Variants in CCSER1 observed in about 807,000 individuals in gnomAD.
CCSER1 encodes serine-rich coiled-coil domain-containing protein 1.
In CCSER1, 41 loss-of-function variants were observed where a neutral mutation model predicts 82.0. That is an observed-to-expected ratio of 0.50 (90% confidence interval 0.39 to 0.65). The LOEUF is 0.65. Ranked by LOEUF, CCSER1 falls within the 30% of genes least tolerant of loss-of-function variation. The probability of loss-of-function intolerance (pLI) is 0.00; values close to 1 mark genes in which losing one functional copy is unlikely to be tolerated. For missense variants in CCSER1, 1,119 were observed against 1,064.2 expected, an observed-to-expected ratio of 1.05 and a Z score of -0.72; for synonymous variants, 414 against 383.9, an observed-to-expected ratio of 1.08 and a Z score of -0.92.
At chr4:90,276,230 CTTTCTTTCTTTCTTTCTTTCT>C (rs1727593898) in intron 1 of CCSER1, among the ~76,000 whole-genome samples, 1 of 106,252 alleles carries the variant, frequency 9.4e-6, no homozygotes, top group Admixed American at 1.0e-4. Flanking sequence ...TTCTTTCTTT[CTTTCTTTCTTTCTTTCTTTCT>C]TTCCTTCCTT....
At chr4:90,242,260 T>G (rs1176197059) in intron 1 of CCSER1, among the ~76,000 whole-genome samples, 6 of 152,184 alleles carry the variant, frequency 3.9e-5, no homozygotes, top group African/African-American at 1.4e-4. Context: ...TGAGCCGAGA[T>G]TGTGCCAGTG....
chr4:91,357,574 C>T (rs778882412), intron 10 of CCSER1, among the ~76,000 whole-genome samples: 40 of 151,942 alleles, frequency 2.6e-4, no homozygotes, highest in Non-Finnish European at 4.9e-4. Context: ...AGGTAAAAAT[C>T]TACATTATTA....
At chr4:90,378,904 A>G (rs1171935588) in intron 3 of CCSER1, among the ~76,000 whole-genome samples, 1 of 152,176 alleles carries the variant, frequency 6.6e-6, no homozygotes, top group Non-Finnish European at 1.5e-5. Context: ...AATATATAGT[A>G]ACTCAGTTCT....
chr4:90,919,089 T>TAAAAAAAA (rs71596538), intron 8 of CCSER1, among the ~76,000 whole-genome samples: 2 of 87,186 alleles, frequency 2.3e-5, no homozygotes, highest in Admixed American at 1.4e-4. Flanking sequence ...GTTTCCACAG[T>TAAAAAAAA]AAAAAAAAAA....
chr4:90,574,714 A>G (rs188298093), intron 5 of CCSER1, among the ~76,000 whole-genome samples: 1 of 151,800 alleles, frequency 6.6e-6, no homozygotes, highest in South Asian at 2.1e-4. Flanking sequence ...TCTTCAAATT[A>G]TAAATAATAA....
intron 7 of CCSER1, among the ~76,000 whole-genome samples, chr4:90,797,692 T>C (rs1262972683): frequency 6.6e-6 from 1 of 152,220 alleles, no homozygotes; most frequent in Non-Finnish European, 1.5e-5. Context: ...CCTCAGCATT[T>C]GCTTGTCTGA....
chr4:90,484,611 G>T (rs937351645), intron 5 of CCSER1, among the ~76,000 whole-genome samples: 1 of 152,180 alleles, frequency 6.6e-6, no homozygotes. Flanking sequence ...TCAGCTGCAG[G>T]TCTGTTGGAG....
intron 10 of CCSER1, among the ~76,000 whole-genome samples, chr4:91,247,083 C>T (rs1028143323): frequency 2.0e-5 from 3 of 151,708 alleles, no homozygotes; most frequent in Admixed American, 1.3e-4. Flanking sequence ...GGGTGGATCA[C>T]GAGGTCAGGA....
intron 8 of CCSER1, among the ~76,000 whole-genome samples, chr4:90,825,727 G>A (rs1055606721): frequency 7.2e-6 from 1 of 137,948 alleles, no homozygotes; most frequent in Non-Finnish European, 1.6e-5. Flanking sequence ...TGTTTTTGTT[G>A]TTGCTTTTTT....
intron 5 of CCSER1, among the ~76,000 whole-genome samples, chr4:90,609,604 A>G (rs1376384417): frequency 6.6e-6 from 1 of 152,194 alleles, no homozygotes. Flanking sequence ...AGAGCATTGT[A>G]TCAGTATGTG....
chr4:91,204,956 T>C (rs756135248), intron 10 of CCSER1, among the ~76,000 whole-genome samples: 37 of 151,834 alleles, frequency 2.4e-4, no homozygotes, highest in Non-Finnish European at 4.9e-4. Flanking sequence ...TAAAAAGTTA[T>C]ATATGGATGT....
chr4:90,642,917 G>A (rs1375267989), intron 6 of CCSER1, among the ~76,000 whole-genome samples: 1 of 150,682 alleles, frequency 6.6e-6, no homozygotes, highest in East Asian at 1.9e-4. Context: ...TAAAGTAAAA[G>A]TGCTCAAGAT....
At chr4:90,932,978 GAAAGAGAAA>G (rs1730212001) in intron 9 of CCSER1, among the ~76,000 whole-genome samples, 1 of 27,946 alleles carries the variant, frequency 3.6e-5, no homozygotes, top group African/African-American at 2.7e-4. Context: ...AAGAAAGAAA[GAAAGAGAAA>G]GAAAGAAAGA....
intron 1 of CCSER1, among the ~76,000 whole-genome samples, chr4:90,251,397 A>T (rs1578756407): frequency 6.6e-6 from 1 of 151,762 alleles, no homozygotes; most frequent in Admixed American, 6.6e-5. Flanking sequence ...GGTTGAGGAG[A>T]TGTTCTTACT....
chr4:91,148,141 T>G (rs938205965), intron 10 of CCSER1, among the ~76,000 whole-genome samples: 2 of 152,202 alleles, frequency 1.3e-5, no homozygotes, highest in African/African-American at 4.8e-5. Context: ...TTTATGATAA[T>G]GCAATATATG....
intron 7 of CCSER1, among the ~76,000 whole-genome samples, chr4:90,743,363 T>C (rs1324423600): frequency 6.6e-6 from 1 of 152,188 alleles, no homozygotes; most frequent in Admixed American, 6.5e-5. Flanking sequence ...AAACTGTTGA[T>C]GTCAGATTCT....
intron 10 of CCSER1, among the ~76,000 whole-genome samples, chr4:91,387,232 T>C (rs1751353874): frequency 1.3e-5 from 2 of 151,898 alleles, no homozygotes; most frequent in African/African-American, 2.4e-5. Flanking sequence ...CAAACATACC[T>C]TTATAAAGAG....
chr4:91,155,521 A>G (rs1730724322), intron 10 of CCSER1, among the ~76,000 whole-genome samples: 1 of 151,990 alleles, frequency 6.6e-6, no homozygotes, highest in African/African-American at 2.4e-5. Flanking sequence ...CTGTAGCTCT[A>G]TTGAGATGTC....
intron 4 of CCSER1, among the ~76,000 whole-genome samples, chr4:90,462,566 T>C (rs1763083061): frequency 6.7e-6 from 1 of 150,224 alleles, no homozygotes; most frequent in African/African-American, 2.5e-5. Context: ...AGTTGACATA[T>C]AAAACAAACA....
Sources: allele counts gnomAD v4.1 joint callset (sites outside exome capture counted in the v4.1 genomes callset), GRCh38; gene constraint gnomAD v4.1.1; transcripts MANE v1.5; gene names NCBI Gene and HGNC (gene_info 2026-07-23, HGNC 2026-07-21).